Variants in ZNF622 observed in about 807,000 individuals in gnomAD.
ZNF622 encodes zinc finger protein 622, also known as cytoplasmic 60S subunit biogenesis factor ZNF622.
In ZNF622, 34 loss-of-function variants were observed where a neutral mutation model predicts 49.7. The ratio of observed to expected loss-of-function variants is 0.68; its 90% CI spans 0.52 to 0.91. The LOEUF is 0.91. Among genes scored for constraint, ZNF622 ranks in the 40% least tolerant of loss-of-function variants. The probability of loss-of-function intolerance (pLI) is 0.00; values close to 1 mark genes in which losing one functional copy is unlikely to be tolerated. For synonymous variants in ZNF622, 209 were observed against 228.7 expected, an observed-to-expected ratio of 0.91 and a Z score of 0.78; for missense variants, 569 against 616.4, an observed-to-expected ratio of 0.92 and a Z score of 0.81.
chr5:16,462,633 G>A (rs1257084348), intron 3 of ZNF622, among the ~76,000 whole-genome samples: 4 of 152,066 alleles, frequency 2.6e-5, no homozygotes, highest in Non-Finnish European at 5.9e-5. Flanking sequence ...CAGCCTGGGT[G>A]ACAGCAAAAA....
intron 3 of ZNF622, among the ~76,000 whole-genome samples, chr5:16,461,699 T>C (rs1738124220): frequency 6.6e-6 from 1 of 152,204 alleles, no homozygotes; most frequent in Non-Finnish European, 1.5e-5. Flanking sequence ...CTAGGATGCA[T>C]AGCAGGAGTT....
At chr5:16,457,392 C>G (rs1007309710) in intron 4 of ZNF622, among the ~76,000 whole-genome samples, 1 of 152,194 alleles carries the variant, frequency 6.6e-6, no homozygotes, top group Non-Finnish European at 1.5e-5. Flanking sequence ...TATATGGGTA[C>G]TGTCACCAGA....
At chr5:16,454,644 A>T (rs140248829) in intron 4 of ZNF622, among the ~76,000 whole-genome samples, 4 of 152,312 alleles carry the variant, frequency 2.6e-5, no homozygotes, top group Non-Finnish European at 5.9e-5. Flanking sequence ...CTGATATATT[A>T]ATCTAGGGGT....
At chr5:16,464,723 C>T (rs1738184435) in intron 1 of ZNF622, among the ~76,000 whole-genome samples, 1 of 152,168 alleles carries the variant, frequency 6.6e-6, no homozygotes, top group South Asian at 2.1e-4. Flanking sequence ...GCTGGTATGA[C>T]GATAGCATGT....
intron 3 of ZNF622, among the ~76,000 whole-genome samples, chr5:16,461,460 G>A (rs1738121368): frequency 1.3e-5 from 2 of 152,252 alleles, no homozygotes; most frequent in African/African-American, 2.4e-5. Flanking sequence ...GGAGGCTACT[G>A]TAGGAAGTCA....
chr5:16,452,651 T>C (rs1737952955), intron 5 of ZNF622, among the ~76,000 whole-genome samples: 1 of 152,190 alleles, frequency 6.6e-6, no homozygotes, highest in African/African-American at 2.4e-5. Flanking sequence ...ATCACATAAG[T>C]CACGTCTGAC....
In ZNF622 at chr5:16,465,757, A is replaced by G. The variant is rs1371175439; in HGVS notation, c.-92T>C. On this transcript the variant is annotated 5_prime_UTR_variant, in exon 1 of 6. Transcript: ENST00000308683. The surrounding 1 kb of genome is among the most constrained non-coding windows in gnomAD (Gnocchi z 6.2). ...CCCTCAGACCTTAACCCGCCTCAGC[A>G]GCCAGGAAGAGCCACTCGACACGCC... is the stretch of plus-strand genomic sequence containing the variant. The G allele has an allele frequency of 5.4e-6, 8 of 1,469,508 alleles. No homozygotes were observed. The highest frequency in any genetic ancestry group is 6.4e-6 in the Non-Finnish European group (7 of 1,098,216). The allele number at this position is 1,469,508 out of a possible 1,614,324, so 91.0% of individuals were successfully genotyped here.
chr5:16,452,141 G>A (rs781662228), intron 5 of ZNF622, among the ~76,000 whole-genome samples: 32 of 152,166 alleles, frequency 2.1e-4, no homozygotes, highest in Non-Finnish European at 4.4e-4. Context: ...TCAAGTCTCT[G>A]CCAGATTCAA....
intron 4 of ZNF622, among the ~76,000 whole-genome samples, chr5:16,456,944 G>C (rs948937061): frequency 2.0e-5 from 3 of 152,082 alleles, no homozygotes; most frequent in African/African-American, 7.2e-5. Context: ...ATGTGGGAGA[G>C]GAAGATCTCT....
chr5:16,464,963 C>A (rs967300851), intron 1 of ZNF622, 78 bp downstream of exon 1: 87 of 1,505,872 alleles, frequency 5.8e-5, no homozygotes, highest in African/African-American at 1.1e-4. Context: ...ACACACACAC[C>A]CATCTCGAGT....
intron 5 of ZNF622, among the ~76,000 whole-genome samples, chr5:16,452,618 A>G (rs1737952420): frequency 6.6e-6 from 1 of 152,208 alleles, no homozygotes; most frequent in Non-Finnish European, 1.5e-5. Flanking sequence ...ACTCATGTTC[A>G]TCATATAAGA....
At chr5:16,453,576 T>A (rs1579561321) in intron 4 of ZNF622, among the ~76,000 whole-genome samples, 1 of 53,292 alleles carries the variant, frequency 1.9e-5, no homozygotes, top group African/African-American at 7.7e-5. Context: ...TATATATATA[T>A]ATATATATAT....
chr5:16,464,911 ACC>A, intron 1 of ZNF622, 128 bp downstream of exon 1: 1 of 1,287,876 alleles, frequency 7.8e-7, no homozygotes, highest in Non-Finnish European at 1.1e-6. Flanking sequence ...AAGCGTCTAA[ACC>A]ACCTTCCCTC....
intron 3 of ZNF622, among the ~76,000 whole-genome samples, chr5:16,462,526 T>C (rs1390779578): frequency 1.3e-5 from 2 of 151,990 alleles, no homozygotes; most frequent in African/African-American, 2.4e-5. Context: ...GCAGGGCATA[T>C]TGGTGCACAC....
chr5:16,462,493 C>G (rs565641914), intron 3 of ZNF622, among the ~76,000 whole-genome samples: 1 of 152,240 alleles, frequency 6.6e-6, no homozygotes, highest in East Asian at 1.9e-4. Context: ...GAAACCCCAT[C>G]TCTACAAAAA....
At chr5:16,464,702 A>G (rs1738183969) in intron 1 of ZNF622, among the ~76,000 whole-genome samples, 1 of 152,210 alleles carries the variant, frequency 6.6e-6, no homozygotes, top group Non-Finnish European at 1.5e-5. Context: ...AGAATCGCAA[A>G]TTACACGGCA....
intron 5 of ZNF622, among the ~76,000 whole-genome samples, 169 bp downstream of exon 5, chr5:16,452,844 G>T (rs775577374): frequency 6.6e-6 from 1 of 152,170 alleles, no homozygotes. Context: ...AGCACTTTGG[G>T]CTTATTGCCT....
At chr5:16,457,839 A>G (rs1331471471) in intron 4 of ZNF622, among the ~76,000 whole-genome samples, 3 of 152,226 alleles carry the variant, frequency 2.0e-5, no homozygotes, top group Non-Finnish European at 4.4e-5. Flanking sequence ...AATCTAACTC[A>G]CGTTGGCCTA....
intron 4 of ZNF622, 57 bp downstream of exon 4, chr5:16,458,460 T>C (rs1561069028): frequency 8.6e-7 from 1 of 1,158,250 alleles, no homozygotes; most frequent in East Asian, 2.3e-5. Flanking sequence ...GATGGAGATA[T>C]GCTTCTCCCT....
Sources: gnomAD v4.1 joint callset for allele counts (sites outside exome capture counted in the v4.1 genomes callset) on GRCh38, gnomAD v4.1.1 for gene constraint, Gnocchi (gnomAD v3.1) non-coding constraint, MANE v1.5 for transcripts, NCBI Gene and HGNC (gene_info 2026-07-23, HGNC 2026-07-21) for gene names.